The following AGBL4 variants were observed in gnomAD, a reference collection of about 807,000 sequenced individuals.
AGBL4 encodes the protein cytosolic carboxypeptidase 6.
A neutral mutation model predicts 66.4 loss-of-function variants in AGBL4; 58 were observed. The observed-to-expected ratio is 0.87, with a 90% CI of 0.71 to 1.09. AGBL4 has a LOEUF of 1.09. Among genes scored for constraint, AGBL4 ranks in the 50% least tolerant of loss-of-function variants. AGBL4 has a pLI of 0.00. For missense variants in AGBL4, 579 were observed against 631.0 expected (o/e 0.92, Z 0.88); for synonymous variants, 234 against 222.9 (o/e 1.05, Z -0.44).
intron 5 of AGBL4, among the ~76,000 whole-genome samples, chr1:48,869,249 T>C (rs1648409152): frequency 6.6e-6 from 1 of 152,164 alleles, no homozygotes; most frequent in African/African-American, 2.4e-5. Flanking sequence ...AGTAAGAACA[T>C]ATCCTAGCAC....
chr1:48,913,628 A>G (rs1034290972), intron 5 of AGBL4, among the ~76,000 whole-genome samples: 2 of 152,168 alleles, frequency 1.3e-5, no homozygotes, highest in African/African-American at 4.8e-5. Flanking sequence ...TCACCCCCAG[A>G]TGGGACTGTT....
intron 3 of AGBL4, among the ~76,000 whole-genome samples, chr1:49,500,266 C>T (rs1170454279): frequency 6.6e-6 from 1 of 151,968 alleles, no homozygotes; most frequent in African/African-American, 2.4e-5. Context: ...CTTGTAGATT[C>T]TGGATATTAG....
chr1:48,526,625 G>A, the AGBL4 span, among the ~76,000 whole-genome samples: 1 of 152,196 alleles, frequency 6.6e-6, no homozygotes, highest in Non-Finnish European at 1.5e-5. Flanking sequence ...CCAGCAACAG[G>A]AGCAGTAATA....
chr1:49,098,844 T>A (rs1645152772), intron 4 of AGBL4, among the ~76,000 whole-genome samples: 1 of 152,228 alleles, frequency 6.6e-6, no homozygotes, highest in South Asian at 2.1e-4. Flanking sequence ...ACAGATCAAA[T>A]AAAAGTTTAA....
At chr1:49,362,323 A>G (rs1644154700) in intron 3 of AGBL4, among the ~76,000 whole-genome samples, 1 of 152,086 alleles carries the variant, frequency 6.6e-6, no homozygotes, top group Admixed American at 6.6e-5. Context: ...CAAATTTATA[A>G]TGCAGAAGCA....
At chr1:48,681,509 A>C (rs978413856) in intron 6 of AGBL4, among the ~76,000 whole-genome samples, 1 of 152,222 alleles carries the variant, frequency 6.6e-6, no homozygotes, top group Non-Finnish European at 1.5e-5. Context: ...CTGTGGAACC[A>C]GTACCACAGG....
At chr1:49,150,637 T>A (rs140901045) in intron 4 of AGBL4, among the ~76,000 whole-genome samples, 36 of 152,350 alleles carry the variant, frequency 2.4e-4, no homozygotes, top group Admixed American at 2.2e-3. Flanking sequence ...CTGCACATGA[T>A]GTTTCCTTTT....
chr1:48,646,513 A>ATGTGTGTG (rs61233999), intron 8 of AGBL4, among the ~76,000 whole-genome samples: 26,173 of 131,276 alleles, frequency 0.2, 3,078 homozygotes, highest in South Asian at 0.26. Flanking sequence ...ACCAGTTATA[A>ATGTGTGTG]TGTGTGTGTG....
At chr1:48,849,767 G>A (rs1451262794) in intron 6 of AGBL4, among the ~76,000 whole-genome samples, 1 of 152,196 alleles carries the variant, frequency 6.6e-6, no homozygotes, top group Admixed American at 6.5e-5. Context: ...GAGGTCAGGA[G>A]CTCAAGACTA....
chr1:49,981,832 T>A (rs1205645649), intron 1 of AGBL4, among the ~76,000 whole-genome samples: 2 of 152,240 alleles, frequency 1.3e-5, no homozygotes, highest in African/African-American at 4.8e-5. Context: ...ATGGATTATA[T>A]CCTTTGGCTC....
At chr1:49,380,615 C>G (rs1644581465) in intron 3 of AGBL4, among the ~76,000 whole-genome samples, 1 of 152,090 alleles carries the variant, frequency 6.6e-6, no homozygotes, top group Non-Finnish European at 1.5e-5. Context: ...CTATAGTAAC[C>G]AAAACAGCAT....
At chr1:49,413,578 G>A (rs1248673979) in intron 3 of AGBL4, among the ~76,000 whole-genome samples, 4 of 152,124 alleles carry the variant, frequency 2.6e-5, no homozygotes, top group East Asian at 1.9e-4. Context: ...GCTCTTTGCG[G>A]TCTTGACCTG....
At chr1:49,320,712 A>C (rs1199143048) in intron 3 of AGBL4, among the ~76,000 whole-genome samples, 1 of 152,188 alleles carries the variant, frequency 6.6e-6, no homozygotes, top group East Asian at 1.9e-4. Flanking sequence ...GCGTGACTCA[A>C]AGTAAACAAC....
intron 6 of AGBL4, among the ~76,000 whole-genome samples, chr1:48,860,476 T>C (rs1442117916): frequency 6.6e-6 from 1 of 152,072 alleles, no homozygotes; most frequent in African/African-American, 2.4e-5. Context: ...TCCTATGGGA[T>C]AAGGGAGACT....
intron 6 of AGBL4, among the ~76,000 whole-genome samples, chr1:48,852,015 C>CTTTTTTTTTTTTTTTTTT (rs138826187): frequency 2.8e-5 from 2 of 71,932 alleles, no homozygotes; most frequent in African/African-American, 1.0e-4. Flanking sequence ...CAGATACGTA[C>CTTTTTTTTTTTTTTTTTT]TTTTTTTTTT....
intron 9 of AGBL4, among the ~76,000 whole-genome samples, chr1:48,619,814 T>A (rs1645381553): frequency 6.6e-6 from 1 of 152,124 alleles, no homozygotes; most frequent in Non-Finnish European, 1.5e-5. Context: ...CTGTGTACAG[T>A]GGCCTTAGCT....
chr1:49,016,003 A>T (rs1662791825), intron 5 of AGBL4, among the ~76,000 whole-genome samples: 2 of 152,252 alleles, frequency 1.3e-5, no homozygotes, highest in South Asian at 4.1e-4. Context: ...TAATGGGTAG[A>T]ATATAGACAC....
intron 4 of AGBL4, among the ~76,000 whole-genome samples, chr1:49,127,395 C>T (rs962033403): frequency 1.3e-5 from 2 of 152,100 alleles, no homozygotes; most frequent in African/African-American, 4.8e-5. Flanking sequence ...GTAACTTACT[C>T]ATGTAACCAA....
intron 3 of AGBL4, among the ~76,000 whole-genome samples, chr1:49,323,662 G>T (rs954416341): frequency 1.3e-5 from 2 of 151,332 alleles, no homozygotes; most frequent in Admixed American, 6.6e-5. Flanking sequence ...GGCGGGTGCC[G>T]GTAGACTGAG....
Sources: gnomAD v4.1 joint callset for allele counts (sites outside exome capture counted in the v4.1 genomes callset) on GRCh38, gnomAD v4.1.1 for gene constraint, MANE v1.5 for transcripts, NCBI Gene and HGNC (gene_info 2026-07-23, HGNC 2026-07-21) for gene names.